The following SPICE1 variants were observed in gnomAD, a reference collection of about 807,000 sequenced individuals.
SPICE1 encodes spindle and centriole-associated protein 1.
In SPICE1, 75 loss-of-function variants were observed where a neutral mutation model predicts 102.7. The ratio of observed to expected loss-of-function variants is 0.73; its 90% CI spans 0.61 to 0.88. The LOEUF is 0.88. Among genes scored for constraint, SPICE1 ranks in the 40% least tolerant of loss-of-function variants. SPICE1 has a pLI of 0.00. For missense variants in SPICE1, 979 were observed against 1,020.1 expected (o/e 0.96, Z 0.55); for synonymous variants, 308 against 350.3 (o/e 0.88, Z 1.35).
At chr3:113,460,008 G>A (rs981656253) in intron 12 of SPICE1, 60 of 984,984 alleles carry the variant, frequency 6.1e-5, no homozygotes, top group Middle Eastern at 5.2e-4. Flanking sequence ...CTAAGAAAAC[G>A]GTTTTAAATA....
intron 2 of SPICE1, among the ~76,000 whole-genome samples, chr3:113,503,451 G>A (rs181655161): frequency 2.2e-3 from 336 of 152,090 alleles, no homozygotes; most frequent in Non-Finnish European, 3.8e-3. Context: ...CAGAAAATAA[G>A]TACTGTATTC....
rs770870500 is a variant in SPICE1, at chr3:113,446,588, C to T, written c.2514+1G>A. ...TTTCACAATTACATTTTAACGTGTA[C>T]CTTTGCTCTTGGATTAAGAGGTGTG... On this transcript the variant is annotated splice_donor_variant, in intron 17 of 17. Coordinates refer to ENST00000295872, the MANE Select transcript of SPICE1 (RefSeq NM_144718.4). LOFTEE classifies it high-confidence loss of function. 6.2e-7 allele frequency: 1 copy of T among 1,611,782 alleles called. No homozygotes were observed. Among genetic ancestry groups the T allele is most frequent in the South Asian group, 1.1e-5 (1 of 90,762 alleles).
chr3:113,484,372 A>G (rs1936593580), intron 7 of SPICE1, among the ~76,000 whole-genome samples: 1 of 151,674 alleles, frequency 6.6e-6, no homozygotes, highest in Non-Finnish European at 1.5e-5. Context: ...TCATGTCTCT[A>G]TCCCCTTCAG....
intron 12 of SPICE1, among the ~76,000 whole-genome samples, chr3:113,458,454 T>C (rs1935837016): frequency 6.6e-6 from 1 of 152,224 alleles, no homozygotes; most frequent in Admixed American, 6.5e-5. Context: ...CCGCGAGTGA[T>C]CTGCCAGCCT....
chr3:113,479,127 C>G (rs4425226), intron 7 of SPICE1, among the ~76,000 whole-genome samples: 4 of 114,622 alleles, frequency 3.5e-5, no homozygotes, highest in South Asian at 3.7e-4. Flanking sequence ...CCTCCCCCCA[C>G]CCCCCACCCC....
chr3:113,455,167 T>C (rs1012863426), intron 13 of SPICE1, among the ~76,000 whole-genome samples: 8 of 152,196 alleles, frequency 5.3e-5, no homozygotes, highest in African/African-American at 1.9e-4. Flanking sequence ...CTGGGTTAAA[T>C]TGACAGTACT....
In SPICE1 at chr3:113,457,121, TAGA is replaced by T. The variant is rs1305915311; in HGVS notation, c.1657+12_1657+14del. The T allele has an allele frequency of 1.9e-6, 3 of 1,608,410 alleles. No homozygotes were observed. The highest frequency in any genetic ancestry group is 4.5e-5 in the East Asian group (2 of 44,772). ...TTAAAAAACAACTTTCATGTAACTT[TAGA>T]AGAAGACTTACCGTCCTGAAGAGGA... On this transcript the variant is annotated intron_variant, in intron 13 of 17. Transcript: ENST00000295872.
chr3:113,449,836 A>G (rs1216349875), intron 15 of SPICE1: 1 of 155,798 alleles, frequency 6.4e-6, no homozygotes, highest in Non-Finnish European at 1.4e-5. Flanking sequence ...TTTCATCAGT[A>G]TCTTTTTGAA....
At chr3:113,471,827 G>A (rs973856686) in intron 7 of SPICE1, among the ~76,000 whole-genome samples, 5 of 152,166 alleles carry the variant, frequency 3.3e-5, no homozygotes, top group Non-Finnish European at 7.3e-5. Context: ...GGCCGAATAG[G>A]AACAGCTCCG....
rs774207994 is a variant in SPICE1 at position 113,453,603 on chromosome 3, T to C, written c.2005A>G (p.Met669Val). 9.9e-6 allele frequency: 16 copies of C among 1,614,078 alleles called. No homozygotes were observed. The highest frequency in any genetic ancestry group is 6.7e-5 in the African/African-American group (5 of 74,924). ...NESLIQRKDIMTRIADLTLQN... is the reference protein window; with the variant it reads ...NESLIQRKDIVTRIADLTLQN... The stretch of plus-strand genomic sequence containing the variant: ...AATGTCAAATCAGCAATTCGTGTCA[T>C]TATGTCCTTTCTTTGTATTAATGAC... Residue 669 changes from methionine (M) to valine (V), a missense_variant, in exon 14 of 18, where the codon ATG (methionine) becomes GTG (valine). Transcript: ENST00000295872.
chr3:113,471,497 C>T (rs1378000960), intron 7 of SPICE1, among the ~76,000 whole-genome samples: 2 of 152,056 alleles, frequency 1.3e-5, no homozygotes, highest in Non-Finnish European at 2.9e-5. Flanking sequence ...GAGTGTGGCC[C>T]TACTGATACC....
chr3:113,500,307 T>G (rs900225259), intron 3 of SPICE1, among the ~76,000 whole-genome samples: 1 of 152,244 alleles, frequency 6.6e-6, no homozygotes, highest in Admixed American at 6.5e-5. Context: ...TATGATAAAA[T>G]GTACTACTGA....
intron 4 of SPICE1, among the ~76,000 whole-genome samples, chr3:113,494,748 A>G (rs1451974054): frequency 1.3e-5 from 2 of 152,216 alleles, no homozygotes; most frequent in Non-Finnish European, 2.9e-5. Flanking sequence ...TTAAAATAAA[A>G]GTTTTAATTA....
chr3:113,456,728 T>A (rs1935787535), intron 13 of SPICE1, among the ~76,000 whole-genome samples: 1 of 152,234 alleles, frequency 6.6e-6, no homozygotes, highest in Admixed American at 6.5e-5. Flanking sequence ...AATGACCAGA[T>A]GTCACTTACA....
Position 113,459,532 on chromosome 3 carries a change from T to C in SPICE1, c.1435+1085A>G, listed in dbSNP as rs575783958. 96 of 985,144 alleles carry C rather than the reference T, an allele frequency of 9.7e-5. No homozygotes were observed. The African/African-American group carries it at 1.6e-3, about 16-fold the overall frequency. 61.0% of individuals were successfully genotyped at this position (985,144 alleles called of 1,614,324 possible). ...ATAGGATAATTAAAAGCTTTCTCAG[T>C]AGTGAAGCTTAATTCAGATAATAGT... On this transcript the variant is annotated intron_variant, in intron 12 of 17. Coordinates refer to ENST00000295872, the MANE Select transcript of SPICE1 (RefSeq NM_144718.4).
chr3:113,478,980 AAATT>A (rs1215266980), intron 7 of SPICE1, among the ~76,000 whole-genome samples: 2 of 151,642 alleles, frequency 1.3e-5, no homozygotes, highest in Non-Finnish European at 3.0e-5. Flanking sequence ...ATTTTTTAAA[AAATT>A]ATTATTATAC....
chr3:113,512,490 C>G (rs1188517351), intron 1 of SPICE1, among the ~76,000 whole-genome samples: 2 of 147,560 alleles, frequency 1.4e-5, no homozygotes, highest in African/African-American at 4.9e-5. Flanking sequence ...CTCACTGCAA[C>G]CTCCACCTCC....
At position 113,468,804 on chromosome 3, in the gene SPICE1, G is replaced by A; in HGVS notation, c.847C>T (p.His283Tyr). ...TTTTGCTTCCTTGAGTTCAGCACGT[G>A]TCCCACAACGTAGCTTGAGTCTAGA... ...ETLDSSYVVG[H>Y]VLNSRKQKQL... Residue 283 changes from histidine (H) to tyrosine (Y), a missense_variant, in exon 9 of 18, where the codon CAC becomes TAC. Transcript: ENST00000295872. 1 of 1,614,094 alleles carries A rather than the reference G, an allele frequency of 6.2e-7. No homozygotes were observed. The highest frequency in any genetic ancestry group is 8.5e-7 in the Non-Finnish European group (1 of 1,180,008).
At chr3:113,509,919 G>GA (rs1937186855) in intron 1 of SPICE1, among the ~76,000 whole-genome samples, 1 of 152,170 alleles carries the variant, frequency 6.6e-6, no homozygotes, top group Non-Finnish European at 1.5e-5. Flanking sequence ...GCCACCTTGT[G>GA]AAAAAGGTAC....
Sources: gnomAD v4.1 joint callset for allele counts (sites outside exome capture counted in the v4.1 genomes callset) on GRCh38, gnomAD v4.1.1 for gene constraint, MANE v1.5 for transcripts, NCBI Gene and HGNC (gene_info 2026-07-23, HGNC 2026-07-21) for gene names.